Variants in LYSMD1 observed in about 807,000 individuals in gnomAD.
The protein encoded by LYSMD1 is LysM domain containing 1.
In LYSMD1, 9 loss-of-function variants were observed where a neutral mutation model predicts 19.3. That is an observed-to-expected ratio of 0.47 (90% confidence interval 0.28 to 0.81). LYSMD1 has a LOEUF of 0.81. LYSMD1 is among the 40% of genes least tolerant of loss of function. The probability of loss-of-function intolerance (pLI) is 0.11; values close to 1 mark genes in which losing one functional copy is unlikely to be tolerated. For synonymous variants in LYSMD1, 111 were observed against 111.7 expected, an observed-to-expected ratio of 0.99 and a Z score of 0.04; for missense variants, 262 against 279.8, an observed-to-expected ratio of 0.94 and a Z score of 0.45.
At chr1:151,151,818 A>G in the LYSMD1 span, among the ~76,000 whole-genome samples, 9 of 151,428 alleles carry the variant, frequency 5.9e-5, no homozygotes, top group African/African-American at 2.2e-4. Flanking sequence ...AGTCCCAGCT[A>G]CTCAGGAGGC....
the LYSMD1 span, among the ~76,000 whole-genome samples, chr1:151,153,477 A>G: frequency 6.6e-6 from 1 of 151,170 alleles, no homozygotes; most frequent in Non-Finnish European, 1.5e-5. Context: ...ATATGGTGAA[A>G]CCCCATCTCT....
chr1:151,165,177 C>T lies in LYSMD1; in HGVS notation c.82G>A (p.Val28Met), dbSNP rs587622924. The T allele has an allele frequency of 4.3e-5, 70 of 1,614,192 alleles. No individual in the cohort carries two copies. In the South Asian group the frequency reaches 7.4e-4, roughly 17 times the overall value. ...CTCACTGGGGAGCAGGCCGATTGCA[C>T]CAGGCTTCCATATGAACGAGCCCGG... Reference protein sequence around the residue: ...GSRARSYGSLVQSACSPVRER... With the variant: ...GSRARSYGSLMQSACSPVRER... Residue 28 changes from valine to methionine, a missense_variant, in exon 1 of 3, where the codon GTG becomes ATG. Physicochemically the swap from Val to Met is conservative, Grantham distance 21. Coordinates refer to ENST00000368908, the MANE Select transcript of LYSMD1 (RefSeq NM_212551.5).
downstream of LYSMD1, among the ~76,000 whole-genome samples, chr1:151,156,091 ACT>A (rs1202260621): frequency 4.3e-5 from 5 of 116,836 alleles, no homozygotes; most frequent in African/African-American, 6.6e-5. Context: ...CAAGAGCAAA[ACT>A]CTGTCTCAAA....
Position 151,165,788 on chromosome 1 carries a change from A to G in LYSMD1, c.-530T>C, listed in dbSNP as rs1265984088. ...CTCAAAGGTCCGCTCCGCATAAGAT[A>G]GGTCACACCCTCAAATTTCGGCTCC... On this transcript the variant is annotated 5_prime_UTR_variant, in exon 1 of 3. Transcript: ENST00000368908. 6.4e-7 allele frequency: 1 copy of G among 1,551,066 alleles called. No homozygotes were observed. The highest frequency in any genetic ancestry group is 1.4e-5 in the African/African-American group (1 of 73,184).
rs747823519 is a variant in LYSMD1 at position 151,165,454 on chromosome 1, A to G, written c.-196T>C. ...CTCCCTCCAAGCTACTTATCCACAA[A>G]TCTGTCCCTTGAGTATTCAGTCCCT... On this transcript the variant is annotated 5_prime_UTR_variant, in exon 1 of 3. Transcript: ENST00000368908. 3.1e-5 allele frequency: 44 copies of G among 1,434,088 alleles called. No individual in the cohort carries two copies. The highest frequency in any genetic ancestry group is 2.5e-4 in the East Asian group (10 of 39,852). The allele number at this position is 1,434,088 out of a possible 1,614,324, so 88.8% of individuals were successfully genotyped here. A position where few individuals can be genotyped will look rare whatever the true frequency, so the allele number is the denominator to read the frequency against.
chr1:151,148,596 C>T, the LYSMD1 span, among the ~76,000 whole-genome samples: 3 of 152,050 alleles, frequency 2.0e-5, no homozygotes, highest in African/African-American at 7.2e-5. Context: ...TCCAAATGTG[C>T]AAAGAAGACA....
chr1:151,164,978 TAGGAACATTTC>T, intron 1 of LYSMD1, 90 bp downstream of exon 1: 2 of 980,606 alleles, frequency 2.0e-6, no homozygotes, highest in Non-Finnish European at 3.1e-6. Context: ...TGCAACACAT[TAGGAACATTTC>T]AGGGGAGGTT....
At chr1:151,152,103 C>CA in the LYSMD1 span, among the ~76,000 whole-genome samples, 7,115 of 146,050 alleles carry the variant, frequency 0.049, 534 homozygotes, top group African/African-American at 0.17. Flanking sequence ...AAAACAAAAA[C>CA]AAAAAAAAAA....
At chr1:151,157,161 G>A (rs1426804452), downstream of LYSMD1, among the ~76,000 whole-genome samples, 1 of 152,166 alleles carries the variant, frequency 6.6e-6, no homozygotes, top group South Asian at 2.1e-4. Context: ...GAAGGCCAAG[G>A]AGGAAGGAAG....
intron 1 of LYSMD1, among the ~76,000 whole-genome samples, chr1:151,164,083 A>G (rs587722639): frequency 6.0e-4 from 91 of 151,938 alleles, no homozygotes; most frequent in African/African-American, 2.1e-3. Context: ...TAGTAGAGAC[A>G]GGGTTTCACC....
intron 2 of LYSMD1, among the ~76,000 whole-genome samples, chr1:151,161,237 C>G (rs115661768): frequency 6.6e-6 from 1 of 152,344 alleles, no homozygotes; most frequent in African/African-American, 2.4e-5. Context: ...GTGGCTCACG[C>G]CTGTAATTCC....
At chr1:151,153,960 GA>G in the LYSMD1 span, among the ~76,000 whole-genome samples, 3,730 of 123,794 alleles carry the variant, frequency 0.03, 140 homozygotes, top group African/African-American at 0.099. Context: ...CTCAATTGAA[GA>G]AAAAAAAAAA....
At position 151,165,404 on chromosome 1, in the gene LYSMD1, G is replaced by A; in HGVS notation, c.-146C>T. 1 of 1,421,232 alleles carries A rather than the reference G, an allele frequency of 7.0e-7. No homozygotes were observed. Among genetic ancestry groups the A allele is most frequent in the Non-Finnish European group, 9.2e-7 (1 of 1,092,052 alleles). The allele number at this position is 1,421,232 out of a possible 1,614,324, so 88.0% of individuals were successfully genotyped here. A position where few individuals can be genotyped will look rare whatever the true frequency, so the allele number is the denominator to read the frequency against. ...TGTGTCCCCGCCTCCCCAGCACTAC[G>A]CCATCTGCCCCCTCCCGGTTTCTCC... On this transcript the variant is annotated 5_prime_UTR_variant, in exon 1 of 3. Transcript: ENST00000368908.
downstream of LYSMD1, among the ~76,000 whole-genome samples, chr1:151,156,164 TCAGTGCTGTGCTGG>T (rs1683217803): frequency 6.7e-6 from 1 of 150,048 alleles, no homozygotes; most frequent in African/African-American, 2.5e-5. Flanking sequence ...CGCTAGTGAT[TCAGTGCTGTGCTGG>T]CACCTGCTGG....
intron 1 of LYSMD1, 56 bp downstream of exon 1, chr1:151,165,023 T>C (rs1298699257): frequency 3.3e-6 from 5 of 1,502,968 alleles, no homozygotes; most frequent in Non-Finnish European, 4.6e-6. Flanking sequence ...ACTACATTCT[T>C]CTCAGGACTA....
At chr1:151,158,966 T>G, downstream of LYSMD1, 1 of 1,614,274 alleles carries the variant, frequency 6.2e-7, no homozygotes, top group Non-Finnish European at 8.5e-7. Context: ...GCTACCCGCT[T>G]TCGCCAGAAG....
chr1:151,156,842 C>T (rs984977061), downstream of LYSMD1: 2 of 152,178 alleles, frequency 1.3e-5, no homozygotes, highest in African/African-American at 4.8e-5. Flanking sequence ...ATTCTTGGGT[C>T]CTTTGTAGAG....
At chr1:151,162,252 G>A in intron 1 of LYSMD1, 152 bp from the exon 2 acceptor site, 1 of 795,908 alleles carries the variant, frequency 1.3e-6, no homozygotes, top group Non-Finnish European at 1.9e-6. Context: ...CTATAGATGA[G>A]TGGTTTTCAC....
Position 151,165,376 on chromosome 1 carries a change from C to T in LYSMD1, c.-118G>A. 1.4e-6 allele frequency: 2 copies of T among 1,475,350 alleles called. No individual in the cohort carries two copies. The highest frequency in any genetic ancestry group is 1.8e-6 in the Non-Finnish European group (2 of 1,115,256). 91.4% of individuals were successfully genotyped at this position (1,475,350 alleles called of 1,614,324 possible). A position where few individuals can be genotyped will look rare whatever the true frequency, so the allele number is the denominator to read the frequency against. On this transcript the variant is annotated 5_prime_UTR_variant, in exon 1 of 3. Transcript: ENST00000368908. The stretch of plus-strand genomic sequence containing the variant: ...GGGATTCCTTTCCCCCTCTCTCTTC[C>T]CCTGTGTCCCCGCCTCCCCAGCACT...
Sources: allele counts gnomAD v4.1 joint callset (sites outside exome capture counted in the v4.1 genomes callset), GRCh38; gene constraint gnomAD v4.1.1; transcripts MANE v1.5; gene names NCBI Gene and HGNC (gene_info 2026-07-23, HGNC 2026-07-21).